The following SGK3 variants were observed in gnomAD, a reference collection of about 807,000 sequenced individuals.
SGK3 encodes the protein serine/threonine-protein kinase Sgk3.
Under a neutral mutation model 68.5 loss-of-function variants are expected in SGK3, and 47 were observed. That is an observed-to-expected ratio of 0.69 (90% CI 0.54 to 0.87). The LOEUF (loss-of-function observed/expected upper bound fraction) is 0.87. SGK3 is among the 40% of genes least tolerant of loss of function. The pLI, the probability that SGK3 is intolerant of heterozygous loss-of-function variation, is 0.00. For synonymous variants in SGK3, 181 were observed against 189.1 expected, an observed-to-expected ratio of 0.96 and a Z score of 0.35; for missense variants, 479 against 575.5, an observed-to-expected ratio of 0.83 and a Z score of 1.72.
chr8:66,780,665 AGAG>A, intron 1 of SGK3, among the ~76,000 whole-genome samples: 1 of 152,318 alleles, frequency 6.6e-6, no homozygotes, highest in East Asian at 1.9e-4. Context: ...TAGTGAACAC[AGAG>A]GCGAGAGGCC....
intron 1 of SGK3, among the ~76,000 whole-genome samples, chr8:66,734,773 C>G (rs899406635): frequency 6.6e-6 from 1 of 151,894 alleles, no homozygotes; most frequent in Non-Finnish European, 1.5e-5. Context: ...ATGGTGAAAT[C>G]CTGTCTTTAC....
At position 66,835,790 on chromosome 8, in the gene SGK3, G is replaced by A; in HGVS notation, c.553G>A (p.Gly185Arg). The change falls in exon 9 of 17, where the codon GGA (glycine) becomes AGA (arginine). Residue 185 changes from glycine (G) to arginine (R), a missense_variant. Around this residue, in one of 3 missense-constraint regions of SGK3, gnomAD observed 298 missense variants for 329.4 expected, o/e 0.90. Coordinates refer to ENST00000521198, the MANE Select transcript of SGK3 (RefSeq NM_001033578.3). ...TCTTCTTGCAAAACGGAAACTGGAT[G>A]GAAAATTTTATGCTGTCAAAGTGTT... ...KVLLAKRKLD[G>R]KFYAVKVLQK... 6.2e-7 allele frequency: 1 copy of A among 1,612,308 alleles called. No homozygotes were observed. The highest frequency in any genetic ancestry group is 8.5e-7 in the Non-Finnish European group (1 of 1,179,562).
chr8:66,834,821 TCCCAG>T (rs1809448259), intron 8 of SGK3, among the ~76,000 whole-genome samples: 1 of 151,288 alleles, frequency 6.6e-6, no homozygotes, highest in Non-Finnish European at 1.5e-5. Context: ...GCGCCTGTAG[TCCCAG>T]CTACTCGGGA....
chr8:66,793,375 C>T (rs553372502), intron 1 of SGK3, among the ~76,000 whole-genome samples: 5 of 152,136 alleles, frequency 3.3e-5, no homozygotes, highest in African/African-American at 9.7e-5. Context: ...CCCTAGCCTA[C>T]GTGAACTGAG....
Position 66,842,194 on chromosome 8 carries a change from A to G in SGK3, c.978+1084A>G, listed in dbSNP as rs1335047784. Among the ~76,000 whole-genome samples the G allele has an allele frequency of 3.4e-5, 5 of 146,514 alleles. No individual in the cohort carries two copies. In the East Asian group the frequency reaches 6.0e-4, roughly 17 times the overall value. ...TGTATATTAATTTCATAGTTAAAAT[A>G]TTTTGCCATTTCTTTTCTTTTTCTT... On this transcript the variant is annotated intron_variant, in intron 13 of 16. Transcript: ENST00000521198.
intron 1 of SGK3, among the ~76,000 whole-genome samples, chr8:66,792,055 C>T (rs747878552): frequency 2.0e-5 from 3 of 152,114 alleles, no homozygotes; most frequent in Non-Finnish European, 1.5e-5. Flanking sequence ...GACTGCTGGG[C>T]GCAGTGGTTC....
At chr8:66,798,659 G>T (rs1299322132) in intron 3 of SGK3, 34 bp downstream of exon 3, 3 of 1,550,998 alleles carry the variant, frequency 1.9e-6, no homozygotes, top group Non-Finnish European at 2.6e-6. Flanking sequence ...CTAATTAAAA[G>T]AAAGCACCCG....
intron 14 of SGK3, among the ~76,000 whole-genome samples, chr8:66,844,723 C>G (rs796553787): frequency 2.0e-5 from 3 of 152,184 alleles, no homozygotes; most frequent in African/African-American, 7.2e-5. Context: ...AGCTGAGTGT[C>G]TATTTGCTTT....
At chr8:66,736,362 T>C (rs1805314813) in intron 1 of SGK3, among the ~76,000 whole-genome samples, 1 of 152,182 alleles carries the variant, frequency 6.6e-6, no homozygotes, top group African/African-American at 2.4e-5. Flanking sequence ...CATCTAGATA[T>C]GATTTAAAGT....
In SGK3 at chr8:66,793,770, A is replaced by G. The variant is rs142472352; in HGVS notation, c.34A>G (p.Ser12Gly). The G allele has an allele frequency of 6.2e-7, 1 of 1,613,534 alleles. No individual in the cohort carries two copies. The highest frequency in any genetic ancestry group is 8.5e-7 in the Non-Finnish European group (1 of 1,179,636). The change falls in exon 2 of 17, where the codon AGC becomes GGC. Residue 12 changes from serine to glycine, a missense_variant. Around this residue, in one of 3 missense-constraint regions of SGK3, gnomAD observed 298 missense variants for 329.4 expected, o/e 0.90. Coordinates refer to ENST00000521198, the MANE Select transcript of SGK3 (RefSeq NM_001033578.3). ...QRDHTMDYKE[S>G]CPSVSIPSSD... ...AGATCACACCATGGACTACAAGGAAAGCTGCCCAAGTGTAAGCATTCCCAG... is the reference window on the plus strand; with the variant it reads ...AGATCACACCATGGACTACAAGGAAGGCTGCCCAAGTGTAAGCATTCCCAG...
intron 1 of SGK3, among the ~76,000 whole-genome samples, chr8:66,782,833 G>A (rs1181841723): frequency 2.0e-5 from 3 of 152,300 alleles, no homozygotes; most frequent in East Asian, 1.9e-4. Context: ...GCACTGAAAA[G>A]TATTTCATTG....
chr8:66,743,298 T>G (rs183558702), intron 1 of SGK3, among the ~76,000 whole-genome samples: 2 of 152,350 alleles, frequency 1.3e-5, no homozygotes, highest in East Asian at 3.9e-4. Context: ...TGGCTCACCA[T>G]GTAAAATGCT....
rs71249408 is a variant in SGK3, at chr8:66,796,321, ATTTTT to A, written c.97-2194_97-2190del. ...CCAGCTAATTTTTTGTATTTTTTGT[ATTTTT>A]TTTTTTTTTTTTTTTTTTTTTTTTT... On this transcript the variant is annotated intron_variant, in intron 2 of 16. Transcript: ENST00000521198. 8.5e-3 allele frequency among the ~76,000 whole-genome samples: 350 copies of A among 41,362 alleles called. 2 individuals are homozygous for A. The highest frequency in any genetic ancestry group is 0.027 in the African/African-American group (338 of 12,506). 27.1% of individuals were successfully genotyped at this position (41,362 alleles called of 152,430 possible). A position where few individuals can be genotyped will look rare whatever the true frequency, so the allele number is the denominator to read the frequency against.
At position 66,725,001 on chromosome 8, in the gene SGK3, C is replaced by T. The variant is rs1273519676; in HGVS notation, c.-122+12168C>T. 2.6e-5 allele frequency among the ~76,000 whole-genome samples: 4 copies of T among 151,918 alleles called. No homozygotes were observed. In the East Asian group the frequency reaches 5.8e-4, roughly 22 times the overall value. ...TAGCACTTTGGGAGGCCGAGGCGGG[C>T]GGATCACAAGGTCAGGAGATCGAGA... On this transcript the variant is annotated intron_variant, in intron 1 of 16. Coordinates refer to ENST00000521198, the MANE Select transcript of SGK3 (RefSeq NM_001033578.3).
chr8:66,741,776 A>C (rs544216171), intron 1 of SGK3, among the ~76,000 whole-genome samples: 9 of 152,372 alleles, frequency 5.9e-5, no homozygotes, highest in African/African-American at 2.2e-4. Flanking sequence ...GTATTCACCA[A>C]ATATTTATTG....
chr8:66,839,718 G>C, intron 10 of SGK3: 1 of 282,328 alleles, frequency 3.5e-6, no homozygotes, highest in Non-Finnish European at 6.6e-6. Context: ...TTCCAGAACA[G>C]TTGCCTGGAA....
At chr8:66,769,145 T>C (rs1806419666) in intron 1 of SGK3, among the ~76,000 whole-genome samples, 1 of 152,226 alleles carries the variant, frequency 6.6e-6, no homozygotes, top group African/African-American at 2.4e-5. Context: ...CAACACCATC[T>C]TTATCTTCTC....
At chr8:66,808,822 A>T (rs910709149) in intron 4 of SGK3, among the ~76,000 whole-genome samples, 20 of 151,028 alleles carry the variant, frequency 1.3e-4, no homozygotes, top group Non-Finnish European at 1.9e-4. Context: ...AAATCCTGTA[A>T]TTTGTAACTT....
At chr8:66,852,682 A>G (rs1810344118) in intron 16 of SGK3, among the ~76,000 whole-genome samples, 1 of 152,190 alleles carries the variant, frequency 6.6e-6, no homozygotes, top group Admixed American at 6.5e-5. Flanking sequence ...CATAGCTCAT[A>G]GCTGGTATTA....
Sources: gnomAD v4.1 joint callset for allele counts (sites outside exome capture counted in the v4.1 genomes callset) on GRCh38, gnomAD v4.1.1 for gene constraint, gnomAD v4.1.1 regional missense constraint, MANE v1.5 for transcripts, NCBI Gene and HGNC (gene_info 2026-07-23, HGNC 2026-07-21) for gene names.